Variants in PAIP2 observed in about 807,000 individuals in gnomAD.
PAIP2 encodes the protein poly(A) binding protein interacting protein 2.
Under a neutral mutation model 14.8 loss-of-function variants are expected in PAIP2, and 7 were observed. That is an observed-to-expected ratio of 0.47 (90% CI 0.27 to 0.89). PAIP2 has a LOEUF of 0.89. Ranked by LOEUF, PAIP2 falls within the 40% of genes least tolerant of loss-of-function variation. The pLI is 0.13. For synonymous variants in PAIP2, 47 were observed against 45.3 expected, an observed-to-expected ratio of 1.04 and a Z score of -0.15; for missense variants, 122 against 154.7, an observed-to-expected ratio of 0.79 and a Z score of 1.12.
At chr5:139,363,033 G>C (rs1009168093) in intron 1 of PAIP2, among the ~76,000 whole-genome samples, 1 of 152,000 alleles carries the variant, frequency 6.6e-6, no homozygotes, top group African/African-American at 2.4e-5. Flanking sequence ...CTGAGGTCAG[G>C]AGTTCAAGAC....
rs139601209 is a variant in PAIP2 at position 139,342,165 on chromosome 5, T to C, written c.-27+185T>C. On this transcript the variant is annotated intron_variant, in intron 1 of 3. Coordinates refer to ENST00000265192, the MANE Select transcript of PAIP2 (RefSeq NM_016480.5). ...TGAGCTTGGGCCGACTTCGTCTCTGTCTTCTCCGAGACATGGCCGTCGCTT... is the reference window on the plus strand; with the variant it reads ...TGAGCTTGGGCCGACTTCGTCTCTGCCTTCTCCGAGACATGGCCGTCGCTT... Among the ~76,000 whole-genome samples the C allele has an allele frequency of 3.2e-3, 493 of 152,278 alleles. 2 individuals carry two copies. Among genetic ancestry groups the C allele is most frequent in the African/African-American group, 0.011 (437 of 41,546 alleles).
chr5:139,352,488 G>GTTTTTTTTTTTTTTTTTT (rs1185620394), intron 1 of PAIP2, among the ~76,000 whole-genome samples: 27 of 94,824 alleles, frequency 2.8e-4, no homozygotes, highest in African/African-American at 7.3e-4. Context: ...ATTCCTGCCA[G>GTTTTTTTTTTTTTTTTTT]TTTTTTTTTT....
intron 1 of PAIP2, among the ~76,000 whole-genome samples, chr5:139,349,950 C>T (rs754396119): frequency 6.6e-5 from 10 of 151,228 alleles, no homozygotes; most frequent in South Asian, 2.1e-4. Flanking sequence ...TACAGTGATC[C>T]GAGATTGCGC....
At chr5:139,345,706 C>G (rs1359984325) in intron 1 of PAIP2, among the ~76,000 whole-genome samples, 1 of 150,588 alleles carries the variant, frequency 6.6e-6, no homozygotes, top group Non-Finnish European at 1.5e-5. Flanking sequence ...CATTTCACTG[C>G]AAGCTCCACC....
rs758345030 is a variant in PAIP2 at position 139,363,642 on chromosome 5, G to A, written c.-26-117G>A. 5.5e-5 allele frequency: 44 copies of A among 800,144 alleles called. No individual in the cohort carries two copies. The Middle Eastern group carries it at 1.3e-3, about 23-fold the overall frequency. The allele number at this position is 800,144 out of a possible 1,614,324, so 49.6% of individuals were successfully genotyped here. On this transcript the variant is annotated intron_variant, in intron 1 of 3. Transcript: ENST00000265192. ...GAGGCTGAGGCAAGAGATCGAGGCT[G>A]TGGTGAGCCATGATCACACCATTGC...
At chr5:139,354,524 G>C (rs578127555) in intron 1 of PAIP2, among the ~76,000 whole-genome samples, 1 of 152,250 alleles carries the variant, frequency 6.6e-6, no homozygotes, top group Admixed American at 6.5e-5. Flanking sequence ...GGTTAATTGA[G>C]CTTCTTAGAT....
intron 1 of PAIP2, among the ~76,000 whole-genome samples, chr5:139,347,796 A>G (rs1255988438): frequency 2.0e-5 from 3 of 152,130 alleles, no homozygotes; most frequent in Non-Finnish European, 4.4e-5. Flanking sequence ...GATGTTTTGG[A>G]CACTGGCTTA....
rs552031993 is a variant in PAIP2 at position 139,341,928 on chromosome 5, T to A, written c.-79T>A. ...GGGGGAGCGGCGCTGCCTGTGGAGA[T>A]CCGCGGAGGCCGACAGGATTCGTTG... On this transcript the variant is annotated 5_prime_UTR_variant, in exon 1 of 4. Coordinates refer to ENST00000265192, the MANE Select transcript of PAIP2 (RefSeq NM_016480.5). 6.5e-6 allele frequency: 1 copy of A among 152,774 alleles called. No individual in the cohort carries two copies. Among genetic ancestry groups the A allele is most frequent in the Admixed American group, 6.5e-5 (1 of 15,286 alleles). The allele number at this position is 152,774 out of a possible 1,614,324, so 9.5% of individuals were successfully genotyped here. A position where few individuals can be genotyped will look rare whatever the true frequency, so the allele number is the denominator to read the frequency against.
chr5:139,350,734 T>C (rs1026972543), intron 1 of PAIP2, among the ~76,000 whole-genome samples: 3 of 151,348 alleles, frequency 2.0e-5, no homozygotes, highest in Non-Finnish European at 3.0e-5. Flanking sequence ...AAGAAAAAAA[T>C]AGAGAAAACA....
intron 1 of PAIP2, among the ~76,000 whole-genome samples, chr5:139,355,573 TACTTGATTTGAAGTCTTTGG>T (rs2152049969): frequency 6.6e-6 from 1 of 152,322 alleles, no homozygotes; most frequent in East Asian, 1.9e-4. Flanking sequence ...ATACTTAATA[TACTTGATTTGAAGTCTTTGG>T]CCAGGCACAG....
At chr5:139,356,393 C>A (rs1756913325) in intron 1 of PAIP2, among the ~76,000 whole-genome samples, 1 of 151,700 alleles carries the variant, frequency 6.6e-6, no homozygotes, top group Admixed American at 6.6e-5. Flanking sequence ...TTGCAGTGAG[C>A]CAAGATCGCG....
chr5:139,342,321 ACCCTTTCCCCTGCC>A lies in PAIP2; in HGVS notation c.-27+345_-27+358del, dbSNP rs1177361358. The A allele has an allele frequency of 2.0e-5, 3 of 151,452 alleles. No individual in the cohort carries two copies. The East Asian group carries it at 5.8e-4, about 29-fold the overall frequency. 9.4% of individuals were successfully genotyped at this position (151,452 alleles called of 1,614,324 possible). ...CCGGTCCTTTATCCCTCCGCCGGGT[ACCCTTTCCCCTGCC>A]CCCCTCCCACCGCCTCGGCAACAAA... On this transcript the variant is annotated intron_variant, in intron 1 of 3. Coordinates refer to ENST00000265192, the MANE Select transcript of PAIP2 (RefSeq NM_016480.5).
chr5:139,351,324 A>G (rs1756725037), intron 1 of PAIP2, among the ~76,000 whole-genome samples: 1 of 152,208 alleles, frequency 6.6e-6, no homozygotes, highest in African/African-American at 2.4e-5. Context: ...CTAAAAAAAA[A>G]AAAGAGTGAT....
chr5:139,350,523 C>T (rs1264953281), intron 1 of PAIP2, among the ~76,000 whole-genome samples: 2 of 151,574 alleles, frequency 1.3e-5, no homozygotes, highest in South Asian at 2.1e-4. Context: ...CCCAGCTACT[C>T]GGGAGGCTGA....
At position 139,356,759 on chromosome 5, in the gene PAIP2, C is replaced by T. The variant is rs544555978; in HGVS notation, c.-26-7000C>T. Among the ~76,000 whole-genome samples the T allele has an allele frequency of 1.3e-4, 20 of 151,896 alleles. No individual in the cohort carries two copies. In the East Asian group the frequency reaches 3.3e-3, roughly 25 times the overall value. ...AAAATTAGCCAGGTGTGCTGGCATG[C>T]GCCTGTAGTCCCAGCTACTCGGGAG... On this transcript the variant is annotated intron_variant, in intron 1 of 3. Coordinates refer to ENST00000265192, the MANE Select transcript of PAIP2 (RefSeq NM_016480.5).
intron 3 of PAIP2, 34 bp from the exon 4 acceptor site, chr5:139,368,699 A>G (rs760845198): frequency 3.4e-6 from 5 of 1,478,006 alleles, no homozygotes; most frequent in Admixed American, 1.7e-5. Flanking sequence ...AAACTGTGTT[A>G]ATGAACTTGC....
In PAIP2 at chr5:139,368,778, G is replaced by T; in HGVS notation, c.364G>T (p.Val122Leu). Residue 122 changes from valine to leucine, a missense_variant, in exon 4 of 4, where the codon GTG becomes TTG. Around this residue, in one of 3 missense-constraint regions of PAIP2, gnomAD observed 46 missense variants for 44.0 expected, o/e 1.05. Transcript: ENST00000265192. ...NPNAKEFVPG[V>L]KYGNI ...AAATGCAAAGGAGTTTGTTCCTGGG[G>T]TGAAGTACGGAAATATTTGAGTAGA... is the stretch of plus-strand genomic sequence containing the variant. 3 of 1,613,076 alleles carry T rather than the reference G, an allele frequency of 1.9e-6. No homozygotes were observed. The highest frequency in any genetic ancestry group is 8.5e-7 in the Non-Finnish European group (1 of 1,179,138).
Position 139,364,715 on chromosome 5 carries a change from G to A in PAIP2, c.290G>A (p.Ser97Asn), listed in dbSNP as rs151194423. Residue 97 changes from serine to asparagine, a missense_variant, in exon 3 of 4, where the codon AGT (serine) becomes AAT (asparagine). Around this residue, in one of 3 missense-constraint regions of PAIP2, gnomAD observed 46 missense variants for 44.0 expected, o/e 1.05. Transcript: ENST00000265192. The stretch of plus-strand genomic sequence containing the variant: ...GACCAGTTTAATGACCTTGTTATCA[G>A]TGATGGCTCTTCTCTGGAAGATCTT... ...IQDQFNDLVI[S>N]DGSSLEDLVV... The A allele has an allele frequency of 2.4e-5, 39 of 1,609,804 alleles. No individual in the cohort carries two copies. In the Admixed American group the frequency reaches 3.7e-4, roughly 15 times the overall value.
intron 1 of PAIP2, among the ~76,000 whole-genome samples, chr5:139,355,243 C>T (rs538565185): frequency 4.3e-5 from 6 of 138,742 alleles, no homozygotes; most frequent in Admixed American, 2.4e-4. Context: ...GATCTCTGTT[C>T]ACTGCAACCT....
Sources: allele counts gnomAD v4.1 joint callset (sites outside exome capture counted in the v4.1 genomes callset), GRCh38; gene constraint gnomAD v4.1.1; regional missense constraint gnomAD v4.1.1; transcripts MANE v1.5; gene names NCBI Gene and HGNC (gene_info 2026-07-23, HGNC 2026-07-21).